Variants in CTNND2 observed in about 807,000 individuals in gnomAD.
The protein encoded by CTNND2 is catenin delta 2.
CTNND2 carries 22 observed loss-of-function variants against 144.4 expected under a neutral mutation model. The ratio of observed to expected loss-of-function variants is 0.15; its 90% CI spans 0.11 to 0.22. CTNND2 has a LOEUF of 0.22. Among genes scored for constraint, CTNND2 ranks in the 10% least tolerant of loss-of-function variants. The pLI is 1.00. For synonymous variants in CTNND2, 751 were observed against 695.6 expected (o/e 1.08, Z -1.25); for missense variants, 1,353 against 1,618.8 (o/e 0.84, Z 2.82).
At chr5:11,234,707 C>CTTCAGACT (rs1741421745) in intron 10 of CTNND2, among the ~76,000 whole-genome samples, 1 of 152,228 alleles carries the variant, frequency 6.6e-6, no homozygotes. Flanking sequence ...TAGACCATGA[C>CTTCAGACT]TTCAGACTTC....
intron 2 of CTNND2, among the ~76,000 whole-genome samples, chr5:11,592,924 G>A (rs1410185591): frequency 6.6e-6 from 1 of 151,672 alleles, no homozygotes; most frequent in Non-Finnish European, 1.5e-5. Context: ...AAAAAGAACA[G>A]TGGAGCAGAA....
intron 1 of CTNND2, among the ~76,000 whole-genome samples, chr5:11,864,395 C>A (rs902586114): frequency 6.6e-6 from 1 of 152,194 alleles, no homozygotes; most frequent in Non-Finnish European, 1.5e-5. Flanking sequence ...TGATTATTTA[C>A]AAATCCTCTG....
At chr5:11,625,457 C>CA (rs1042869867) in intron 2 of CTNND2, among the ~76,000 whole-genome samples, 1 of 150,152 alleles carries the variant, frequency 6.7e-6, no homozygotes, top group Non-Finnish European at 1.5e-5. Context: ...ACATCATTTA[C>CA]AAAAAATAAC....
intron 12 of CTNND2, among the ~76,000 whole-genome samples, chr5:11,150,626 T>C (rs1300148078): frequency 7.1e-6 from 1 of 141,616 alleles, no homozygotes; most frequent in East Asian, 2.1e-4. Context: ...TCTTTTTTTT[T>C]TTTTTTTTTT....
intron 11 of CTNND2, among the ~76,000 whole-genome samples, chr5:11,184,911 A>G (rs907847089): frequency 1.2e-4 from 18 of 152,158 alleles, no homozygotes; most frequent in African/African-American, 4.3e-4. Context: ...CAGCACTCGG[A>G]CTCAATGCAA....
intron 3 of CTNND2, among the ~76,000 whole-genome samples, chr5:11,445,522 C>T (rs2149901649): frequency 6.6e-6 from 1 of 152,288 alleles, no homozygotes; most frequent in South Asian, 2.1e-4. Context: ...CGGCTCATGC[C>T]AGGTGCCTCC....
At chr5:11,101,885 A>ATGTGTG (rs1491537465) in intron 14 of CTNND2, among the ~76,000 whole-genome samples, 3 of 89,678 alleles carry the variant, frequency 3.3e-5, no homozygotes, top group African/African-American at 1.4e-4. Context: ...TGACGACCAC[A>ATGTGTG]TATGTGTGTG....
intron 12 of CTNND2, among the ~76,000 whole-genome samples, chr5:11,122,968 G>A (rs980344645): frequency 2.0e-5 from 3 of 152,024 alleles, no homozygotes; most frequent in African/African-American, 7.2e-5. Context: ...GCCTCTGGAC[G>A]CTTGACCAAG....
intron 3 of CTNND2, among the ~76,000 whole-genome samples, chr5:11,439,300 G>C (rs1271070306): frequency 1.3e-5 from 2 of 152,114 alleles, no homozygotes; most frequent in Non-Finnish European, 2.9e-5. Flanking sequence ...ACAGCAGAGG[G>C]GATGCCTTGG....
At chr5:11,083,728 T>C (rs1016087993) in intron 15 of CTNND2, among the ~76,000 whole-genome samples, 8 of 152,256 alleles carry the variant, frequency 5.3e-5, no homozygotes, top group African/African-American at 1.9e-4. Context: ...TGCAATTTCA[T>C]TTTGATTTAA....
In CTNND2 at chr5:11,227,094, T is replaced by C. The variant is rs192034484; in HGVS notation, c.1761+9597A>G. On this transcript the variant is annotated intron_variant, in intron 10 of 21. Transcript: ENST00000304623. The stretch of plus-strand genomic sequence containing the variant: ...TGTGTTCAATTTCCTTTGCTGACAA[T>C]AGCAGATCTCAAAACGTGGATGATG... Among the ~76,000 whole-genome samples the C allele has an allele frequency of 4.3e-3, 648 of 152,330 alleles. 4 individuals carry two copies. The highest frequency in any genetic ancestry group is 6.7e-3 in the Admixed American group (102 of 15,312).
intron 3 of CTNND2, among the ~76,000 whole-genome samples, chr5:11,466,096 G>A (rs555981248): frequency 6.6e-6 from 1 of 152,216 alleles, no homozygotes; most frequent in Non-Finnish European, 1.5e-5. Flanking sequence ...TGCAACCTTG[G>A]ACTCAAGCAA....
chr5:11,904,064 G>C lies in CTNND2; in HGVS notation c.-211C>G, dbSNP rs1051492510. 6.6e-6 allele frequency: 2 copies of C among 302,410 alleles called. No individual in the cohort carries two copies. Among genetic ancestry groups the C allele is most frequent in the Non-Finnish European group, 1.1e-5 (2 of 184,238 alleles). 18.7% of individuals were successfully genotyped at this position (302,410 alleles called of 1,614,324 possible). On this transcript the variant is annotated 5_prime_UTR_variant, in exon 1 of 22. Coordinates refer to ENST00000304623, the MANE Select transcript of CTNND2 (RefSeq NM_001332.4). The surrounding 1 kb of genome is among the most constrained non-coding windows in gnomAD (Gnocchi z 4.2). ...GACGCGAGTGCGCAGCGCCCGGCCCGGCGGCCCCTCCGAGCTCGGCGAGCG... is the reference window on the plus strand; with the variant it reads ...GACGCGAGTGCGCAGCGCCCGGCCCCGCGGCCCCTCCGAGCTCGGCGAGCG...
At chr5:11,199,762 C>T in intron 10 of CTNND2, 101 bp from the exon 11 acceptor site, 1 of 843,112 alleles carries the variant, frequency 1.2e-6, no homozygotes, top group Non-Finnish European at 1.9e-6. Context: ...CAATTAATCG[C>T]ACCAAACTGA....
At chr5:11,715,064 G>C (rs1189002478) in intron 2 of CTNND2, among the ~76,000 whole-genome samples, 1 of 152,168 alleles carries the variant, frequency 6.6e-6, no homozygotes, top group Non-Finnish European at 1.5e-5. Flanking sequence ...GATTTTGAGA[G>C]ATAGGGTTTC....
chr5:11,103,564 G>A (rs1391479142), intron 14 of CTNND2, among the ~76,000 whole-genome samples: 1 of 152,022 alleles, frequency 6.6e-6, no homozygotes, highest in African/African-American at 2.4e-5. Context: ...CAGCTACTCA[G>A]GAGACTGAGG....
chr5:11,068,943 A>G (rs1270624704), intron 16 of CTNND2, among the ~76,000 whole-genome samples: 2 of 152,190 alleles, frequency 1.3e-5, no homozygotes, highest in Non-Finnish European at 2.9e-5. Context: ...ACAAAAAAAT[A>G]AGAATCTGCT....
At chr5:11,064,771 C>T (rs1230790680) in intron 16 of CTNND2, among the ~76,000 whole-genome samples, 1 of 152,192 alleles carries the variant, frequency 6.6e-6, no homozygotes, top group Non-Finnish European at 1.5e-5. Flanking sequence ...CATCAGAATG[C>T]TTAAAGGAAA....
At chr5:11,227,460 G>T (rs1390443771) in intron 10 of CTNND2, among the ~76,000 whole-genome samples, 1 of 152,166 alleles carries the variant, frequency 6.6e-6, no homozygotes, top group Non-Finnish European at 1.5e-5. Context: ...TTTAATCAAA[G>T]AAATACAGGC....
Sources: gnomAD v4.1 joint callset for allele counts (sites outside exome capture counted in the v4.1 genomes callset) on GRCh38, gnomAD v4.1.1 for gene constraint, Gnocchi (gnomAD v3.1) non-coding constraint, MANE v1.5 for transcripts, NCBI Gene and HGNC (gene_info 2026-07-23, HGNC 2026-07-21) for gene names.